Variants in DYNC2H1 observed in about 807,000 individuals in gnomAD.
The protein encoded by DYNC2H1 is dynein cytoplasmic 2 heavy chain 1.
DYNC2H1 carries 410 observed loss-of-function variants against 570.0 expected under a neutral mutation model. The observed-to-expected ratio is 0.72, with a 90% CI of 0.66 to 0.78. DYNC2H1 has a LOEUF of 0.78. DYNC2H1 is among the 30% of genes least tolerant of loss of function. The pLI is 0.00. For missense variants in DYNC2H1, 4,865 were observed against 5,046.4 expected, an observed-to-expected ratio of 0.96 and a Z score of 1.09; for synonymous variants, 1,688 against 1,677.6, an observed-to-expected ratio of 1.01 and a Z score of -0.15.
At chr11:103,143,844 A>T (rs74989119) in intron 18 of DYNC2H1, among the ~76,000 whole-genome samples, 2 of 152,276 alleles carry the variant, frequency 1.3e-5, no homozygotes, top group South Asian at 2.1e-4. Context: ...AAAGCCTCTG[A>T]GGGGCAACTC....
In DYNC2H1 at chr11:103,135,484, T is replaced by C; in HGVS notation, c.2206-11T>C. The stretch of plus-strand genomic sequence containing the variant: ...AATTTTTAAATTAAAAATGTGAATG[T>C]AACATATTAGGGATTCCAAGCAAGT... On this transcript the variant is annotated splice_polypyrimidine_tract_variant and intron_variant, in intron 15 of 88. Coordinates refer to ENST00000375735, the MANE Select transcript of DYNC2H1 (RefSeq NM_001377.3). The C allele has an allele frequency of 2.0e-6, 3 of 1,498,622 alleles. No individual in the cohort carries two copies. In the South Asian group the frequency reaches 4.3e-5, roughly 21 times the overall value. 92.8% of individuals were successfully genotyped at this position (1,498,622 alleles called of 1,614,324 possible). A position where few individuals can be genotyped will look rare whatever the true frequency, so the allele number is the denominator to read the frequency against.
At chr11:103,418,680 C>T (rs942957274) in intron 84 of DYNC2H1, among the ~76,000 whole-genome samples, 1 of 152,164 alleles carries the variant, frequency 6.6e-6, no homozygotes, top group African/African-American at 2.4e-5. Context: ...AAAGAACTCA[C>T]AGAGAACAAA....
Position 103,334,202 on chromosome 11 carries a change from G to A in DYNC2H1, c.12039+10212G>A, listed in dbSNP as rs1466614287. On this transcript the variant is annotated intron_variant, in intron 82 of 88. Coordinates refer to ENST00000375735, the MANE Select transcript of DYNC2H1 (RefSeq NM_001377.3). This position sits in a 1 kb window ranked among gnomAD's most constrained non-coding sequence, Gnocchi z 4.3. ...CTTAATTTAAAATTTTTCCATCTCT[G>A]TTAATTCCTGAGGCAAACACAATAA... Among the ~76,000 whole-genome samples, 1 of 152,120 alleles carries A rather than the reference G, an allele frequency of 6.6e-6. No homozygotes were observed. Among genetic ancestry groups the A allele is most frequent in the Non-Finnish European group, 1.5e-5 (1 of 68,010 alleles).
At position 103,157,935 on chromosome 11, in the gene DYNC2H1, T is replaced by G. The variant is rs1860908065; in HGVS notation, c.4128-742T>G. ...TCCCAGAATCTTTGCCAGAAACGTC[T>G]TCTACTCACTCACTTTTTCATTTTA... On this transcript the variant is annotated intron_variant, in intron 26 of 88. Coordinates refer to ENST00000375735, the MANE Select transcript of DYNC2H1 (RefSeq NM_001377.3). The surrounding 1 kb of genome is among the most constrained non-coding windows in gnomAD (Gnocchi z 4.2). Among the ~76,000 whole-genome samples, 1 of 152,222 alleles carries G rather than the reference T, an allele frequency of 6.6e-6. No individual in the cohort carries two copies. The highest frequency in any genetic ancestry group is 2.1e-4 in the South Asian group (1 of 4,830).
chr11:103,173,748 CAG>C (rs1474835451), intron 35 of DYNC2H1, among the ~76,000 whole-genome samples: 5 of 152,042 alleles, frequency 3.3e-5, no homozygotes. Context: ...TAGACAGTGT[CAG>C]AGATTGAGAG....
chr11:103,282,334 G>A, intron 72 of DYNC2H1, 105 bp downstream of exon 72: 1 of 945,806 alleles, frequency 1.1e-6, no homozygotes, highest in South Asian at 1.6e-5. Context: ...TATTGTTGAA[G>A]TTATAATTTG....
At chr11:103,169,885 G>C (rs775373678) in intron 32 of DYNC2H1, among the ~76,000 whole-genome samples, 20 of 152,266 alleles carry the variant, frequency 1.3e-4, no homozygotes, top group Non-Finnish European at 2.6e-4. Context: ...ACCTAACAAT[G>C]TATTGAGTAT....
intron 70 of DYNC2H1, among the ~76,000 whole-genome samples, chr11:103,269,411 A>G (rs1303859214): frequency 6.6e-6 from 1 of 152,218 alleles, no homozygotes. Flanking sequence ...TTTAGCAGTC[A>G]GCGTAACATT....
chr11:103,380,722 G>C (rs1242074660), intron 83 of DYNC2H1, among the ~76,000 whole-genome samples: 1 of 152,038 alleles, frequency 6.6e-6, no homozygotes, highest in Non-Finnish European at 1.5e-5. Context: ...GCACCAGCCT[G>C]GCTAATCTTT....
chr11:103,370,235 GGAAAGGGGAAGGAA>G (rs774257258), intron 83 of DYNC2H1, among the ~76,000 whole-genome samples: 2 of 152,228 alleles, frequency 1.3e-5, no homozygotes, highest in Non-Finnish European at 2.9e-5. Flanking sequence ...CTCTGCCTTT[GGAAAGGGGAAGGAA>G]GAAAGGAGAA....
At chr11:103,152,724 T>G (rs1565346795) in intron 21 of DYNC2H1, among the ~76,000 whole-genome samples, 1 of 152,140 alleles carries the variant, frequency 6.6e-6, no homozygotes, top group Non-Finnish European at 1.5e-5. Context: ...GGGTCCTAGG[T>G]TTTGTCAATC....
chr11:103,164,938 A>T (rs1031908716), intron 30 of DYNC2H1, among the ~76,000 whole-genome samples: 1 of 152,202 alleles, frequency 6.6e-6, no homozygotes, highest in African/African-American at 2.4e-5. Flanking sequence ...GAACATTTTT[A>T]TATGAAAATC....
intron 30 of DYNC2H1, among the ~76,000 whole-genome samples, chr11:103,164,084 A>G (rs891188929): frequency 3.6e-4 from 55 of 152,236 alleles, no homozygotes; most frequent in African/African-American, 1.3e-3. Flanking sequence ...TTGTAGAACC[A>G]GAGTAGACTG....
intron 84 of DYNC2H1, among the ~76,000 whole-genome samples, chr11:103,418,783 G>A (rs1464855496): frequency 3.3e-5 from 5 of 152,092 alleles, no homozygotes; most frequent in South Asian, 2.1e-4. Context: ...GTGATTGTTC[G>A]ACCCCACCTG....
intron 82 of DYNC2H1, among the ~76,000 whole-genome samples, chr11:103,344,844 A>G (rs1192231018): frequency 6.6e-6 from 1 of 152,202 alleles, no homozygotes; most frequent in Admixed American, 6.5e-5. Flanking sequence ...GTGTGAGGAT[A>G]TAATGAAACC....
intron 82 of DYNC2H1, among the ~76,000 whole-genome samples, chr11:103,352,342 T>G (rs2671346): frequency 0.55 from 83,274 of 151,932 alleles, 24,698 homozygotes; most frequent in Admixed American, 0.66. Context: ...TAGCATTGCT[T>G]CTTTTTAACA....
chr11:103,256,738 A>G lies in DYNC2H1; in HGVS notation c.10461+498A>G, dbSNP rs1245547150. ...CATCTTCTCTACCTCTAGTTCCATC[A>G]GTGTTCTTATTGTCACCAATCCTAT... On this transcript the variant is annotated intron_variant, in intron 68 of 88. Transcript: ENST00000375735. This position sits in a 1 kb window ranked among gnomAD's most constrained non-coding sequence, Gnocchi z 4.0. 1.3e-5 allele frequency among the ~76,000 whole-genome samples: 2 copies of G among 152,144 alleles called. No homozygotes were observed. Among genetic ancestry groups the G allele is most frequent in the African/African-American group, 4.8e-5 (2 of 41,436 alleles).
chr11:103,417,604 C>T (rs576872089), intron 84 of DYNC2H1, among the ~76,000 whole-genome samples: 13 of 151,908 alleles, frequency 8.6e-5, no homozygotes, highest in South Asian at 8.3e-4. Flanking sequence ...GTTGGCCAGG[C>T]GTGGTGGTTC....
rs1195071402 is a variant in DYNC2H1, at chr11:103,395,598, C to G, written c.12157-4065C>G. On this transcript the variant is annotated intron_variant, in intron 83 of 88. Transcript: ENST00000375735. The surrounding 1 kb of genome is among the most constrained non-coding windows in gnomAD (Gnocchi z 4.3). The stretch of plus-strand genomic sequence containing the variant: ...GCAGCTATTCTCTAATTTATGATCC[C>G]TCAGGTTCAAGTCTAGTAGAAAGAA... Among the ~76,000 whole-genome samples, 2 of 152,032 alleles carry G rather than the reference C, an allele frequency of 1.3e-5. No individual in the cohort carries two copies. Among genetic ancestry groups the G allele is most frequent in the Non-Finnish European group, 2.9e-5 (2 of 68,002 alleles).
Sources: gnomAD v4.1 joint callset for allele counts (sites outside exome capture counted in the v4.1 genomes callset) on GRCh38, gnomAD v4.1.1 for gene constraint, Gnocchi (gnomAD v3.1) non-coding constraint, MANE v1.5 for transcripts, NCBI Gene and HGNC (gene_info 2026-07-23, HGNC 2026-07-21) for gene names.